ZSCAN31: variants seen among roughly 807,000 people sequenced by gnomAD.
ZSCAN31 encodes the protein zinc finger and SCAN domain containing 31.
Under a neutral mutation model 22.5 loss-of-function variants are expected in ZSCAN31, and 14 were observed. That is an observed-to-expected ratio of 0.62 (90% CI 0.41 to 0.97). ZSCAN31 has a LOEUF of 0.97. Ranked by LOEUF, ZSCAN31 falls within the 50% of genes least tolerant of loss-of-function variation. ZSCAN31 has a pLI of 0.00. For synonymous variants in ZSCAN31, 168 were observed against 169.8 expected, an observed-to-expected ratio of 0.99 and a Z score of 0.08; for missense variants, 424 against 483.4, an observed-to-expected ratio of 0.88 and a Z score of 1.15.
At chr6:28,338,960 ATC>A (rs1764305336), upstream of ZSCAN31, among the ~76,000 whole-genome samples, 1 of 152,204 alleles carries the variant, frequency 6.6e-6, no homozygotes, top group South Asian at 2.1e-4. Flanking sequence ...TAATCTGAGA[ATC>A]TCTGTGTTGA....
Position 28,326,469 on chromosome 6 carries a change from G to A in ZSCAN31, c.918C>T (p.Ala306=), listed in dbSNP as rs1296743227. ...TTCTGTGTCGAGTGAGGCCATTGCT[G>A]GCACTGAAGGCTTTCCCACACTCCT... ...QCKECGKAFS[A]SNGLTRHRRI... Residue 306 remains alanine (A), a synonymous_variant, in exon 4 of 4, where the codon GCC becomes GCT. Coordinates refer to ENST00000344279, the MANE Select transcript of ZSCAN31 (RefSeq NM_030899.5). The A allele has an allele frequency of 5.0e-6, 8 of 1,613,702 alleles. No homozygotes were observed. Among genetic ancestry groups the A allele is most frequent in the Non-Finnish European group, 6.8e-6 (8 of 1,179,916 alleles).
intron 3 of ZSCAN31, 80 bp from the exon 4 acceptor site, chr6:28,326,934 C>G: frequency 2.3e-6 from 3 of 1,283,032 alleles, no homozygotes; most frequent in South Asian, 1.4e-5. Context: ...ATAGAAAGAT[C>G]GATATCAAAC....
At chr6:28,343,449 A>C (rs915226824) in intron 2 of ZSCAN31, among the ~76,000 whole-genome samples, 3 of 151,786 alleles carry the variant, frequency 2.0e-5, no homozygotes, top group Non-Finnish European at 4.4e-5. Context: ...CTAAAGAATG[A>C]CAGTTAACTA....
At chr6:28,327,601 A>G (rs1426575062) in intron 2 of ZSCAN31, 68 bp from the exon 3 acceptor site, 16 of 1,501,316 alleles carry the variant, frequency 1.1e-5, no homozygotes, top group Non-Finnish European at 9.1e-6. Flanking sequence ...ACTAAATGAA[A>G]GATATCACAT....
chr6:28,340,257 C>G (rs17301128), upstream of ZSCAN31, among the ~76,000 whole-genome samples: 38,820 of 152,138 alleles, frequency 0.26, 5,670 homozygotes, highest in African/African-American at 0.4. Context: ...TAGACAGAAA[C>G]TTATGACACT....
At chr6:28,342,258 C>T (rs545322637) in intron 2 of ZSCAN31, among the ~76,000 whole-genome samples, 2 of 152,240 alleles carry the variant, frequency 1.3e-5, no homozygotes, top group African/African-American at 4.8e-5. Context: ...TGGAACTCTG[C>T]GATTTAGGAT....
In ZSCAN31 at chr6:28,328,895, C is replaced by G. The variant is rs1389461888; in HGVS notation, c.381+408G>C. 3.3e-5 allele frequency among the ~76,000 whole-genome samples: 5 copies of G among 152,284 alleles called. No individual in the cohort carries two copies. The East Asian group carries it at 9.7e-4, about 29-fold the overall frequency. The stretch of plus-strand genomic sequence containing the variant: ...CTTCTGCTATGGCTTCAGCTGGTCC[C>G]TCCATTTGGGGTCCCTGACTTCCCG... On this transcript the variant is annotated intron_variant, in intron 2 of 3. Coordinates refer to ENST00000344279, the MANE Select transcript of ZSCAN31 (RefSeq NM_030899.5).
intron 2 of ZSCAN31, 56 bp downstream of exon 2, chr6:28,329,247 A>G: frequency 1.3e-6 from 2 of 1,523,840 alleles, no homozygotes; most frequent in South Asian, 1.3e-5. Flanking sequence ...CTGTGTCACC[A>G]AACCCCACCT....
At chr6:28,343,238 T>C (rs1764488350) in intron 2 of ZSCAN31, among the ~76,000 whole-genome samples, 1 of 152,204 alleles carries the variant, frequency 6.6e-6, no homozygotes, top group African/African-American at 2.4e-5. Flanking sequence ...ATTATAGAAT[T>C]ATTGTACTGG....
At position 28,352,030 on chromosome 6, in the gene ZSCAN31, C is replaced by T. The variant is rs543361691; in HGVS notation, c.-371+1832G>A. On this transcript the variant is annotated intron_variant, in intron 2 of 7. Coordinates refer to the ZSCAN31 transcript ENST00000396838. The stretch of plus-strand genomic sequence containing the variant: ...TACAGTTGTTGTTTTCAGTGGGGTC[C>T]GAATATGGTTCACCATTTGCATTTA... Among the ~76,000 whole-genome samples, 150 of 151,558 alleles carry T rather than the reference C, an allele frequency of 9.9e-4. No homozygotes were observed. The Middle Eastern group carries it at 0.01, about 10-fold the overall frequency.
upstream of ZSCAN31, among the ~76,000 whole-genome samples, chr6:28,340,894 G>T (rs13210258): frequency 0.31 from 46,620 of 151,918 alleles, 9,046 homozygotes; most frequent in African/African-American, 0.55. Context: ...TTTTCTTTAG[G>T]GTTTGGTTTT....
Position 28,324,765 on chromosome 6 carries a change from T to C in ZSCAN31, c.*1401A>G, listed in dbSNP as rs910341426. ...AGGGCAGAACAGTTTTAAGCTGAAC[T>C]TTTATTTCCTCTCTTTTGAAATATT... On this transcript the variant is annotated 3_prime_UTR_variant, in exon 4 of 4. Transcript: ENST00000344279. The surrounding 1 kb of genome is among the most constrained non-coding windows in gnomAD (Gnocchi z 4.8). The C allele has an allele frequency of 3.3e-5, 5 of 152,332 alleles. No individual in the cohort carries two copies. Among genetic ancestry groups the C allele is most frequent in the Non-Finnish European group, 7.4e-5 (5 of 68,022 alleles). The allele number at this position is 152,332 out of a possible 1,614,324, so 9.4% of individuals were successfully genotyped here.
intron 2 of ZSCAN31, among the ~76,000 whole-genome samples, chr6:28,346,808 TAGAGG>T (rs1373765983): frequency 6.6e-6 from 1 of 152,160 alleles, no homozygotes; most frequent in Non-Finnish European, 1.5e-5. Context: ...GAATGGATAG[TAGAGG>T]AGAGAGACAG....
chr6:28,339,720 T>C (rs1249144801), upstream of ZSCAN31, among the ~76,000 whole-genome samples: 1 of 152,262 alleles, frequency 6.6e-6, no homozygotes, highest in African/African-American at 2.4e-5. Flanking sequence ...ATTTCTAAGA[T>C]AGTGTCCCCT....
At chr6:28,352,638 G>C (rs1376117356) in intron 2 of ZSCAN31, among the ~76,000 whole-genome samples, 2 of 152,184 alleles carry the variant, frequency 1.3e-5, no homozygotes, top group Admixed American at 6.5e-5. Context: ...AGCCTTTAAT[G>C]TAATTTGCTC....
chr6:28,340,933 T>A (rs1245396979), upstream of ZSCAN31, among the ~76,000 whole-genome samples: 2 of 152,218 alleles, frequency 1.3e-5, no homozygotes, highest in Non-Finnish European at 2.9e-5. Flanking sequence ...TGGCTTGCAG[T>A]GCAGGTGCAA....
upstream of ZSCAN31, among the ~76,000 whole-genome samples, chr6:28,354,609 G>C (rs758384030): frequency 6.6e-6 from 1 of 152,226 alleles, no homozygotes; most frequent in Non-Finnish European, 1.5e-5. Flanking sequence ...CTGGGCACTT[G>C]GGCCACAGTA....
chr6:28,338,458 G>A (rs1010672877), upstream of ZSCAN31, among the ~76,000 whole-genome samples: 5 of 151,948 alleles, frequency 3.3e-5, no homozygotes, highest in African/African-American at 9.7e-5. Context: ...TAATTGTAAT[G>A]ATAATTACAA....
chr6:28,354,412 G>A (rs140411028), upstream of ZSCAN31, among the ~76,000 whole-genome samples: 315 of 152,284 alleles, frequency 2.1e-3, 2 homozygotes, highest in African/African-American at 6.8e-3. Flanking sequence ...CCCCTTGGCC[G>A]AGGGAGACAT....
Sources: gnomAD v4.1 joint callset for allele counts (sites outside exome capture counted in the v4.1 genomes callset) on GRCh38, gnomAD v4.1.1 for gene constraint, Gnocchi (gnomAD v3.1) non-coding constraint, MANE v1.5 for transcripts, NCBI Gene and HGNC (gene_info 2026-07-23, HGNC 2026-07-21) for gene names.